Variants in BICRA observed in about 807,000 individuals in gnomAD.
The protein encoded by BICRA is BRD4-interacting chromatin-remodeling complex-associated protein.
In BICRA, 31 loss-of-function variants were observed where a neutral mutation model predicts 96.9. The ratio of observed to expected loss-of-function variants is 0.32; its 90% CI spans 0.24 to 0.43. The LOEUF is 0.43. Among genes scored for constraint, BICRA ranks in the 20% least tolerant of loss-of-function variants. BICRA has a pLI of 1.00. For missense variants in BICRA, 2,283 were observed against 2,190.3 expected (o/e 1.04, Z -0.84); for synonymous variants, 1,350 against 1,071.8 (o/e 1.26, Z -5.07).
intron 1 of BICRA, among the ~76,000 whole-genome samples, chr19:47,623,616 G>A (rs757942695): frequency 2.6e-5 from 4 of 152,248 alleles, no homozygotes; most frequent in Non-Finnish European, 5.9e-5. Context: ...GGAGAGCGAT[G>A]AGGCAGGAAC....
chr19:47,616,689 C>T (rs933978664), intron 1 of BICRA, among the ~76,000 whole-genome samples: 9 of 151,826 alleles, frequency 5.9e-5, no homozygotes, highest in Admixed American at 1.3e-4. Context: ...GCCACAATTT[C>T]CTCTTCTGTA....
chr19:47,642,867 T>A (rs556739000), intron 1 of BICRA, among the ~76,000 whole-genome samples: 1 of 152,272 alleles, frequency 6.6e-6, no homozygotes, highest in Non-Finnish European at 1.5e-5. Context: ...GGGTATGTAG[T>A]AATATCTCAT....
rs1294352995 is a variant in BICRA at position 47,675,775 on chromosome 19, C to G, written c.85-76C>G. Reference sequence around the variant, plus strand: ...CCTTGTCTTTTTGTCCTGAGTGACCCTAAATTGGTTTCTGCTCCAGAGCAT... The same window carrying G: ...CCTTGTCTTTTTGTCCTGAGTGACCGTAAATTGGTTTCTGCTCCAGAGCAT... On this transcript the variant is annotated intron_variant, in intron 4 of 14. Transcript: ENST00000594866. This position sits in a 1 kb window ranked among gnomAD's most constrained non-coding sequence, Gnocchi z 4.7. The G allele has an allele frequency of 3.5e-6, 4 of 1,127,456 alleles. No individual in the cohort carries two copies. Among genetic ancestry groups the G allele is most frequent in the Non-Finnish European group, 5.3e-6 (4 of 756,298 alleles). 69.8% of individuals were successfully genotyped at this position (1,127,456 alleles called of 1,614,324 possible).
intron 7 of BICRA, among the ~76,000 whole-genome samples, chr19:47,685,305 A>G (rs1973127556): frequency 6.6e-6 from 1 of 152,162 alleles, no homozygotes; most frequent in Admixed American, 6.5e-5. Flanking sequence ...ACCTTTGAGA[A>G]GGAAGCTTAG....
upstream of BICRA, chr19:47,608,997 G>A (rs1308751071): frequency 1.1e-4 from 16 of 144,050 alleles, no homozygotes; most frequent in African/African-American, 4.0e-4. Flanking sequence ...CGGGGCGCGC[G>A]GGCCTGGGCG....
At chr19:47,683,023 C>T (rs1216832948) in intron 7 of BICRA, among the ~76,000 whole-genome samples, 3 of 152,028 alleles carry the variant, frequency 2.0e-5, no homozygotes, top group South Asian at 2.1e-4. Flanking sequence ...TGTGGGTGTG[C>T]GGATATTTAT....
Position 47,701,733 on chromosome 19 carries a change from C to A in BICRA, c.4001C>A (p.Pro1334Gln). 1 of 1,565,768 alleles carries A rather than the reference C, an allele frequency of 6.4e-7. No homozygotes were observed. The highest frequency in any genetic ancestry group is 2.4e-5 in the East Asian group (1 of 42,496). Reference sequence around the variant, plus strand: ...GCCCTGGACCCCGTGCACCAGCCCCCGCCACCCCCCGCTACCCTCAAGGTG... The same window carrying A: ...GCCCTGGACCCCGTGCACCAGCCCCAGCCACCCCCCGCTACCCTCAAGGTG... Reference protein sequence around the residue: ...NTALDPVHQPPPPPATLKVAE... With the variant: ...NTALDPVHQPQPPPATLKVAE... Residue 1334 changes from proline (P) to glutamine (Q), a missense_variant, in exon 15 of 15, where the codon CCG becomes CAG. Pro to Gln is a moderately conservative substitution (Grantham distance 76). Coordinates refer to ENST00000594866, the MANE Select transcript of BICRA (RefSeq NM_001394372.1). This position sits in a 1 kb window ranked among gnomAD's most constrained non-coding sequence, Gnocchi z 5.4.
chr19:47,636,989 C>T (rs189236501), intron 1 of BICRA, among the ~76,000 whole-genome samples: 16 of 152,286 alleles, frequency 1.1e-4, no homozygotes, highest in African/African-American at 3.6e-4. Flanking sequence ...TCCTTCCCCT[C>T]CTTAGTCAAG....
chr19:47,695,342 T>TCGGGGGCCCCCCCCCCCC, intron 9 of BICRA, 23 bp from the exon 10 acceptor site: 5 of 630,170 alleles, frequency 7.9e-6, no homozygotes, highest in Admixed American at 2.9e-5. Context: ...AGGCCCTGTC[T>TCGGGGGCCCCCCCCCCCC]CCCCCACCCC....
In BICRA at chr19:47,698,925, C is replaced by A; in HGVS notation, c.3398-40C>A. 6.7e-7 allele frequency: 1 copy of A among 1,481,606 alleles called. No homozygotes were observed. Among genetic ancestry groups the A allele is most frequent in the Non-Finnish European group, 9.3e-7 (1 of 1,080,904 alleles). The allele number at this position is 1,481,606 out of a possible 1,614,324, so 91.8% of individuals were successfully genotyped here. A position where few individuals can be genotyped will look rare whatever the true frequency, so the allele number is the denominator to read the frequency against. On this transcript the variant is annotated intron_variant, in intron 12 of 14. Coordinates refer to ENST00000594866, the MANE Select transcript of BICRA (RefSeq NM_001394372.1). This position sits in a 1 kb window ranked among gnomAD's most constrained non-coding sequence, Gnocchi z 4.8. ...TCCTTCCTGCGCATCCGCGGCCGCC[C>A]CCAACATCTCCGCCCTTGCCTCTCT...
rs1568579485 is a variant in BICRA, at chr19:47,698,611, G to A, written c.3249-23G>A. On this transcript the variant is annotated intron_variant, in intron 11 of 14. Coordinates refer to ENST00000594866, the MANE Select transcript of BICRA (RefSeq NM_001394372.1). The surrounding 1 kb of genome is among the most constrained non-coding windows in gnomAD (Gnocchi z 4.8). Reference sequence around the variant, plus strand: ...TCCCCCCCACCCTCCGCCGTGTGTGGTCTCTCCCCTTTCCACCCGCAGTTT... The same window carrying A: ...TCCCCCCCACCCTCCGCCGTGTGTGATCTCTCCCCTTTCCACCCGCAGTTT... The A allele has an allele frequency of 8.0e-7, 1 of 1,243,018 alleles. No individual in the cohort carries two copies. Among genetic ancestry groups the A allele is most frequent in the South Asian group, 1.2e-5 (1 of 81,926 alleles). 77.0% of individuals were successfully genotyped at this position (1,243,018 alleles called of 1,614,324 possible).
intron 1 of BICRA, among the ~76,000 whole-genome samples, chr19:47,609,480 C>CT (rs1354970314): frequency 6.6e-6 from 1 of 150,914 alleles, no homozygotes; most frequent in African/African-American, 2.4e-5. Context: ...TATGGGGACC[C>CT]CCCCCCAACC....
Position 47,695,466 on chromosome 19 carries a change from G to T in BICRA, c.3178G>T (p.Gly1060Trp). 1 of 1,535,048 alleles carries T rather than the reference G, an allele frequency of 6.5e-7. No homozygotes were observed. The highest frequency in any genetic ancestry group is 1.2e-5 in the South Asian group (1 of 85,320). ...TTCCTCCGGGCCAGGGAAGCCCTCC[G>T]GGCTGCAGGTAAGGGGCCCTTAGAG... ...AASSGPGKPS[G>W]LQYESKLSGL... Residue 1060 changes from glycine (G) to tryptophan (W), a missense_variant, in exon 10 of 15, where the codon GGG (glycine) becomes TGG (tryptophan). Gly to Trp is a radical substitution (Grantham distance 184). Coordinates refer to ENST00000594866, the MANE Select transcript of BICRA (RefSeq NM_001394372.1).
intron 1 of BICRA, among the ~76,000 whole-genome samples, chr19:47,640,000 T>C (rs2123533890): frequency 6.6e-6 from 1 of 152,268 alleles, no homozygotes; most frequent in South Asian, 2.1e-4. Flanking sequence ...TCAGCCTCTT[T>C]CACAGTGGCA....
chr19:47,685,383 G>C (rs2914435), intron 7 of BICRA, among the ~76,000 whole-genome samples: 1 of 152,166 alleles, frequency 6.6e-6, no homozygotes, highest in Non-Finnish European at 1.5e-5. Flanking sequence ...GCACAAGGTA[G>C]GGCCCTCCGC....
Position 47,680,160 on chromosome 19 carries a change from C to T in BICRA, c.990C>T (p.Gly330=). Residue 330 remains glycine (G), a synonymous_variant, in exon 6 of 15, where the codon GGC becomes GGT. Coordinates refer to ENST00000594866, the MANE Select transcript of BICRA (RefSeq NM_001394372.1). ...GACAGCCGCTGGCGGTGGCCCCAGG[C>T]CTCGGCTCGTCGCCACTGGTCCCGG... The part of the protein sequence containing the change: ...PSGQPLAVAP[G]LGSSPLVPAP... 1 of 1,532,404 alleles carries T rather than the reference C, an allele frequency of 6.5e-7. No homozygotes were observed. The highest frequency in any genetic ancestry group is 8.7e-7 in the Non-Finnish European group (1 of 1,148,278). The allele number at this position is 1,532,404 out of a possible 1,614,324, so 94.9% of individuals were successfully genotyped here.
intron 1 of BICRA, among the ~76,000 whole-genome samples, chr19:47,650,271 T>A (rs1389726724): frequency 6.6e-6 from 1 of 152,152 alleles, no homozygotes; most frequent in Non-Finnish European, 1.5e-5. Context: ...TAGCTGGGAT[T>A]ACAGGCACCT....
At chr19:47,618,968 C>T (rs747628417) in intron 1 of BICRA, among the ~76,000 whole-genome samples, 12 of 152,176 alleles carry the variant, frequency 7.9e-5, no homozygotes, top group African/African-American at 2.7e-4. Flanking sequence ...GTGGCTGTGA[C>T]AGTTAGCTGG....
intron 7 of BICRA, among the ~76,000 whole-genome samples, chr19:47,686,224 C>A (rs1034580637): frequency 1.3e-5 from 2 of 152,086 alleles, no homozygotes; most frequent in African/African-American, 4.8e-5. Flanking sequence ...AGCCACCATG[C>A]CCGGCACAAG....
Sources: allele counts gnomAD v4.1 joint callset (sites outside exome capture counted in the v4.1 genomes callset), GRCh38; gene constraint gnomAD v4.1.1; non-coding constraint Gnocchi (gnomAD v3.1); transcripts MANE v1.5; gene names NCBI Gene and HGNC (gene_info 2026-07-23, HGNC 2026-07-21).